The following PRPF3 variants were observed in gnomAD, a reference collection of about 807,000 sequenced individuals.
The protein encoded by PRPF3 is U4/U6 small nuclear ribonucleoprotein Prp3.
PRPF3 carries 3 observed loss-of-function variants against 89.2 expected under a neutral mutation model. The ratio of observed to expected loss-of-function variants is 0.03; its 90% CI spans 0.02 to 0.09. The LOEUF (loss-of-function observed/expected upper bound fraction) is 0.09, where lower values mean the gene tolerates loss of function less well. Among genes scored for constraint, PRPF3 ranks in the 10% least tolerant of loss-of-function variants. The probability of loss-of-function intolerance (pLI) is 1.00; values close to 1 mark genes in which losing one functional copy is unlikely to be tolerated. For missense variants in PRPF3, 463 were observed against 828.8 expected (o/e 0.56, Z 5.42); for synonymous variants, 270 against 289.1 (o/e 0.93, Z 0.67).
At position 150,337,205 on chromosome 1, in the gene PRPF3, A is replaced by AT. The variant is rs587691429; in HGVS notation, c.1036-948dup. ...AGGCGCCCGCCACCACGCCCGGCTAATTTTTTTGTATTTTTAGTAGAGACG... is the reference window on the plus strand; with the variant it reads ...AGGCGCCCGCCACCACGCCCGGCTAATTTTTTTTGTATTTTTAGTAGAGACG... On this transcript the variant is annotated intron_variant, in intron 7 of 15. Transcript: ENST00000324862. Among the ~76,000 whole-genome samples, 434 of 151,090 alleles carry AT rather than the reference A, an allele frequency of 2.9e-3. 2 individuals are homozygous for AT. Among genetic ancestry groups the AT allele is most frequent in the African/African-American group, 8.8e-3 (364 of 41,176 alleles).
chr1:150,345,885 A>G (rs1157289443), intron 12 of PRPF3, 133 bp from the exon 13 acceptor site: 5 of 767,960 alleles, frequency 6.5e-6, no homozygotes, highest in South Asian at 5.5e-5. Context: ...TTAAGCATTC[A>G]TCTATTTGTT....
At chr1:150,347,863 C>A (rs145846335) in intron 14 of PRPF3, among the ~76,000 whole-genome samples, 171 of 152,230 alleles carry the variant, frequency 1.1e-3, no homozygotes, top group African/African-American at 3.8e-3. Flanking sequence ...ATTTTTATCT[C>A]ATGTAAGAGT....
At chr1:150,347,727 CAAAA>C (rs880002055) in intron 14 of PRPF3, among the ~76,000 whole-genome samples, 4 of 135,504 alleles carry the variant, frequency 3.0e-5, no homozygotes, top group African/African-American at 8.2e-5. Flanking sequence ...GACTCCATCT[CAAAA>C]AAAAAAAAAT....
chr1:150,323,176 T>G (rs1655285602), intron 1 of PRPF3, among the ~76,000 whole-genome samples: 1 of 76,290 alleles, frequency 1.3e-5, no homozygotes, highest in Non-Finnish European at 2.8e-5. Flanking sequence ...CACCTGGCTT[T>G]TTTTTTTTTT....
chr1:150,352,807 G>T (rs1659080392), intron 15 of PRPF3, 26 bp from the exon 16 acceptor site: 1 of 1,610,834 alleles, frequency 6.2e-7, no homozygotes, highest in Middle Eastern at 1.7e-4. Context: ...AAATTGAAGT[G>T]TTTTTATTAT....
chr1:150,338,084 A>AC, intron 7 of PRPF3, 76 bp from the exon 8 acceptor site: 1 of 1,554,778 alleles, frequency 6.4e-7, no homozygotes, highest in East Asian at 2.2e-5. Context: ...CAAAAAAAAA[A>AC]AAAAATTGAG....
intron 6 of PRPF3, among the ~76,000 whole-genome samples, chr1:150,334,357 TA>T (rs1400562994): frequency 6.6e-6 from 1 of 152,030 alleles, no homozygotes; most frequent in Non-Finnish European, 1.5e-5. Context: ...AGAATTATTT[TA>T]TTGTCCTTTT....
At chr1:150,349,475 C>T (rs2794681) in intron 15 of PRPF3, among the ~76,000 whole-genome samples, 45,283 of 152,074 alleles carry the variant, frequency 0.3, 8,205 homozygotes, top group Non-Finnish European at 0.4. Context: ...AATACAAATT[C>T]TCTACCGAAA....
intron 6 of PRPF3, among the ~76,000 whole-genome samples, chr1:150,334,522 T>C (rs587610400): frequency 6.6e-6 from 1 of 151,752 alleles, no homozygotes; most frequent in Admixed American, 6.6e-5. Flanking sequence ...GGGGTTTCAC[T>C]GTGTTGCCAA....
At chr1:150,345,820 A>T (rs587680142) in intron 12 of PRPF3, 198 bp from the exon 13 acceptor site, 1 of 637,120 alleles carries the variant, frequency 1.6e-6, no homozygotes, top group South Asian at 1.7e-5. Flanking sequence ...AAAGTGCTAG[A>T]CTTTGAAGAA....
chr1:150,343,568 G>A (rs1303313082), intron 10 of PRPF3, 116 bp downstream of exon 10: 43 of 1,391,062 alleles, frequency 3.1e-5, no homozygotes, highest in Non-Finnish European at 3.3e-5. Flanking sequence ...AATTATTCTT[G>A]GGGTCCTTTT....
At chr1:150,335,815 C>T (rs1376980986) in intron 7 of PRPF3, among the ~76,000 whole-genome samples, 1 of 141,744 alleles carries the variant, frequency 7.1e-6, no homozygotes, top group Non-Finnish European at 1.5e-5. Context: ...GTTACCTGGG[C>T]TGGAGTGCAG....
At chr1:150,338,444 T>A in intron 8 of PRPF3, 118 bp downstream of exon 8, 2 of 1,026,782 alleles carry the variant, frequency 1.9e-6, no homozygotes, top group Non-Finnish European at 1.5e-6. Flanking sequence ...ACTCATTCAT[T>A]AATTAAAATT....
intron 15 of PRPF3, among the ~76,000 whole-genome samples, chr1:150,350,858 G>C (rs1394709639): frequency 6.6e-6 from 1 of 152,110 alleles, no homozygotes; most frequent in East Asian, 1.9e-4. Flanking sequence ...CTACTTGAGA[G>C]GCTGAGGTGG....
In PRPF3 at chr1:150,329,037, C is replaced by CTTTTT. The variant is rs113875026; in HGVS notation, c.423+577_423+581dup. Among the ~76,000 whole-genome samples the CTTTTT allele has an allele frequency of 4.5e-4, 63 of 140,398 alleles. 2 individuals carry two copies. Among genetic ancestry groups the CTTTTT allele is most frequent in the East Asian group, 1.5e-3 (7 of 4,758 alleles). 92.1% of individuals were successfully genotyped at this position (140,398 alleles called of 152,430 possible). A position where few individuals can be genotyped will look rare whatever the true frequency, so the allele number is the denominator to read the frequency against. ...ATTAGTGTTTAGCATTTGGGGTAAA[C>CTTTTT]TTTTTTTTTTGAGATAGAGTTTCAC... On this transcript the variant is annotated intron_variant, in intron 4 of 15. Transcript: ENST00000324862.
At chr1:150,336,666 G>A (rs1309871060) in intron 7 of PRPF3, among the ~76,000 whole-genome samples, 2 of 152,006 alleles carry the variant, frequency 1.3e-5, no homozygotes, top group African/African-American at 2.4e-5. Context: ...TGAGTCAGGA[G>A]AATCACTTGA....
intron 4 of PRPF3, among the ~76,000 whole-genome samples, chr1:150,328,944 C>T (rs895787408): frequency 3.3e-5 from 5 of 152,002 alleles, no homozygotes; most frequent in African/African-American, 7.2e-5. Flanking sequence ...TGCCCACCTT[C>T]GCCTCCCAGA....
chr1:150,339,913 G>A (rs1657512783), intron 8 of PRPF3, among the ~76,000 whole-genome samples: 1 of 151,896 alleles, frequency 6.6e-6, no homozygotes, highest in Non-Finnish European at 1.5e-5. Flanking sequence ...TAGTAGACAA[G>A]AGTTTCACTA....
In PRPF3 at chr1:150,353,078, C is replaced by T. The variant is rs1659106538; in HGVS notation, c.*99C>T. The stretch of plus-strand genomic sequence containing the variant: ...CCCCTCCCACTTGTTTGTGTGATCT[C>T]AGAACTGTGCCAAGCAGACACTGGG... On this transcript the variant is annotated 3_prime_UTR_variant, in exon 16 of 16. Coordinates refer to ENST00000324862, the MANE Select transcript of PRPF3 (RefSeq NM_004698.4). 1 of 1,500,870 alleles carries T rather than the reference C, an allele frequency of 6.7e-7. No individual in the cohort carries two copies. Among genetic ancestry groups the T allele is most frequent in the East Asian group, 2.3e-5 (1 of 44,298 alleles). The allele number at this position is 1,500,870 out of a possible 1,614,324, so 93.0% of individuals were successfully genotyped here.
Sources: gnomAD v4.1 joint callset for allele counts (sites outside exome capture counted in the v4.1 genomes callset) on GRCh38, gnomAD v4.1.1 for gene constraint, MANE v1.5 for transcripts, NCBI Gene and HGNC (gene_info 2026-07-23, HGNC 2026-07-21) for gene names.